STK10: variants seen among roughly 807,000 people sequenced by gnomAD.
STK10 encodes serine/threonine-protein kinase 10.
A neutral mutation model predicts 113.8 loss-of-function variants in STK10; 78 were observed. That is an observed-to-expected ratio of 0.69 (90% confidence interval 0.57 to 0.83). The LOEUF is 0.83. Among genes scored for constraint, STK10 ranks in the 40% least tolerant of loss-of-function variants. The pLI, the probability that STK10 is intolerant of heterozygous loss-of-function variation, is 0.00. For synonymous variants in STK10, 465 were observed against 494.7 expected (o/e 0.94, Z 0.80); for missense variants, 1,109 against 1,280.1 (o/e 0.87, Z 2.04).
At chr5:172,064,923 C>A in intron 12 of STK10, 111 bp from the exon 13 acceptor site, 1 of 1,223,166 alleles carries the variant, frequency 8.2e-7, no homozygotes, top group Non-Finnish European at 1.2e-6. Context: ...AGAGGCTCAG[C>A]TTTGCAGCGG....
chr5:172,049,086 C>T (rs956031895), intron 18 of STK10, among the ~76,000 whole-genome samples: 3 of 152,016 alleles, frequency 2.0e-5, no homozygotes, highest in African/African-American at 7.2e-5. Context: ...ACTTTGTGAC[C>T]CCCCCATGCT....
intron 2 of STK10, among the ~76,000 whole-genome samples, chr5:172,148,026 G>A (rs1404615719): frequency 2.0e-5 from 3 of 152,160 alleles, no homozygotes; most frequent in South Asian, 2.1e-4. Flanking sequence ...TGAGCAACAC[G>A]CCTGTCCTGC....
At chr5:172,149,774 G>A (rs572404045) in intron 2 of STK10, among the ~76,000 whole-genome samples, 11 of 151,838 alleles carry the variant, frequency 7.2e-5, no homozygotes, top group South Asian at 2.1e-4. Context: ...GGCCGGGCGC[G>A]GTGGCTCATG....
Position 172,188,077 on chromosome 5 carries a change from G to A in STK10, c.-35C>T, listed in dbSNP as rs1770993878. 1.9e-6 allele frequency: 3 copies of A among 1,597,424 alleles called. No individual in the cohort carries two copies. Among genetic ancestry groups the A allele is most frequent in the South Asian group, 1.1e-5 (1 of 89,818 alleles). On this transcript the variant is annotated 5_prime_UTR_variant, in exon 1 of 19. Transcript: ENST00000176763. This position sits in a 1 kb window ranked among gnomAD's most constrained non-coding sequence, Gnocchi z 5.6. The stretch of plus-strand genomic sequence containing the variant: ...CGCGGTGGCGCCGGCTCGGGCTCGG[G>A]CTCGGGCTCGGGCTGTGGCTTCGGC...
At chr5:172,159,855 A>G (rs1485874797) in intron 1 of STK10, among the ~76,000 whole-genome samples, 4 of 144,828 alleles carry the variant, frequency 2.8e-5, no homozygotes, top group Non-Finnish European at 6.1e-5. Context: ...AGAAAGAAAA[A>G]GGCCGGGCGC....
At chr5:172,061,002 T>C (rs943414206) in intron 14 of STK10, 137 bp downstream of exon 14, 2 of 1,348,584 alleles carry the variant, frequency 1.5e-6, no homozygotes, top group Non-Finnish European at 2.0e-6. Flanking sequence ...TTTCCCCAGG[T>C]TTCCCCATGA....
rs575674400 is a variant in STK10, at chr5:172,079,205, A to G, written c.1989+3121T>C. On this transcript the variant is annotated intron_variant, in intron 12 of 18. Coordinates refer to ENST00000176763, the MANE Select transcript of STK10 (RefSeq NM_005990.4). ...ACCTGTCTGATTCTACCTTGTGCCA[A>G]TCTCCCCTTTGCTTCCTAAGCTCCT... is the stretch of plus-strand genomic sequence containing the variant. 2.5e-3 allele frequency among the ~76,000 whole-genome samples: 378 copies of G among 152,234 alleles called. 1 individual carries two copies. Among genetic ancestry groups the G allele is most frequent in the African/African-American group, 8.5e-3 (351 of 41,530 alleles).
chr5:172,087,729 C>T (rs1176171742), intron 10 of STK10, among the ~76,000 whole-genome samples: 4 of 120,134 alleles, frequency 3.3e-5, no homozygotes, highest in Non-Finnish European at 7.0e-5. Flanking sequence ...CCCGGGTTCA[C>T]GCCATTCTCC....
intron 6 of STK10, among the ~76,000 whole-genome samples, 173 bp downstream of exon 6, chr5:172,106,447 G>A (rs553803558): frequency 7.9e-6 from 1 of 127,170 alleles, no homozygotes; most frequent in East Asian, 2.6e-4. Flanking sequence ...GAGGCACGAA[G>A]GGCCCGGGGG....
chr5:172,057,258 C>A, intron 15 of STK10, 91 bp downstream of exon 15: 1 of 1,513,816 alleles, frequency 6.6e-7, no homozygotes. Context: ...CCAAAGTGTG[C>A]ACCCAAGAGG....
intron 17 of STK10, among the ~76,000 whole-genome samples, chr5:172,053,434 A>G (rs907594235): frequency 1.3e-5 from 1 of 79,850 alleles, no homozygotes; most frequent in African/African-American, 7.7e-5. Flanking sequence ...TTAAAGCATC[A>G]TGGTTTGTTA....
chr5:172,124,005 C>G (rs558824743), intron 3 of STK10, among the ~76,000 whole-genome samples: 2 of 152,144 alleles, frequency 1.3e-5, no homozygotes, highest in Non-Finnish European at 2.9e-5. Flanking sequence ...TAGCTCAATG[C>G]AACCTCTTCT....
In STK10 at chr5:172,061,977, T is replaced by TTTCTTTTCTTTTCTTTTC. The variant is rs370669766; in HGVS notation, c.2083-710_2083-709insGAAAAGAAAAGAAAAGAA. ...ATACCTATTCCCATGTTACTTTTCT[T>TTTCTTTTCTTTTCTTTTC]TTTTCTTTTTTTTTTTTTGAGAGAG... On this transcript the variant is annotated intron_variant, in intron 13 of 18. Transcript: ENST00000176763. Among the ~76,000 whole-genome samples, 319 of 149,890 alleles carry TTTCTTTTCTTTTCTTTTC rather than the reference T, an allele frequency of 2.1e-3. 2 individuals carry two copies. Among genetic ancestry groups the TTTCTTTTCTTTTCTTTTC allele is most frequent in the African/African-American group, 7.7e-3 (303 of 39,576 alleles).
At chr5:172,147,572 T>C (rs1770111266) in intron 2 of STK10, among the ~76,000 whole-genome samples, 1 of 152,130 alleles carries the variant, frequency 6.6e-6, no homozygotes, top group Non-Finnish European at 1.5e-5. Flanking sequence ...TTTTGTATTT[T>C]CAGTAGAGAT....
At chr5:172,074,716 A>C (rs936182729) in intron 12 of STK10, among the ~76,000 whole-genome samples, 7 of 152,214 alleles carry the variant, frequency 4.6e-5, no homozygotes, top group Non-Finnish European at 8.8e-5. Context: ...TCAAAAACAA[A>C]GTACTAATTA....
At chr5:172,160,232 G>A (rs921092928) in intron 1 of STK10, among the ~76,000 whole-genome samples, 2 of 152,080 alleles carry the variant, frequency 1.3e-5, no homozygotes, top group Non-Finnish European at 2.9e-5. Flanking sequence ...CCAGCATTTT[G>A]GGAGGCCAAG....
Position 172,090,331 on chromosome 5 carries a change from C to T in STK10, c.1586G>A (p.Arg529Gln), listed in dbSNP as rs564369822. 16 of 1,613,806 alleles carry T rather than the reference C, an allele frequency of 9.9e-6. No individual in the cohort carries two copies. The highest frequency in any genetic ancestry group is 3.3e-5 in the South Asian group (3 of 91,056). ...ACCATCCACCACAAATTTGCGTGTC[C>T]GCTTGAGGGTTTTTTTGTACAGTTT... is the stretch of plus-strand genomic sequence containing the variant. ...DPKLYKKTLK[R>Q]TRKFVVDGVE... The change falls in exon 10 of 19, where the codon CGG becomes CAG. Residue 529 changes from arginine (R) to glutamine (Q), a missense_variant. Coordinates refer to ENST00000176763, the MANE Select transcript of STK10 (RefSeq NM_005990.4).
chr5:172,101,034 G>A (rs927324799), intron 7 of STK10, among the ~76,000 whole-genome samples: 2 of 152,120 alleles, frequency 1.3e-5, no homozygotes, highest in Admixed American at 6.5e-5. Context: ...GTGTGCCTCC[G>A]TTTTACCATC....
At chr5:172,106,523 A>G in intron 6 of STK10, 97 bp downstream of exon 6, 1 of 1,321,520 alleles carries the variant, frequency 7.6e-7, no homozygotes, top group East Asian at 2.6e-5. Flanking sequence ...CACCAGGAGA[A>G]CGCTACCACT....
Sources: gnomAD v4.1 joint callset for allele counts (sites outside exome capture counted in the v4.1 genomes callset) on GRCh38, gnomAD v4.1.1 for gene constraint, Gnocchi (gnomAD v3.1) non-coding constraint, MANE v1.5 for transcripts, NCBI Gene and HGNC (gene_info 2026-07-23, HGNC 2026-07-21) for gene names.